The following ATG4B variants were observed in gnomAD, a reference collection of about 807,000 sequenced individuals.
ATG4B encodes the protein autophagy related 4B cysteine peptidase, also known as cysteine protease ATG4B.
In ATG4B, 29 loss-of-function variants were observed where a neutral mutation model predicts 56.6. That is an observed-to-expected ratio of 0.51 (90% CI 0.38 to 0.70). The LOEUF (loss-of-function observed/expected upper bound fraction) is 0.70. Among genes scored for constraint, ATG4B ranks in the 30% least tolerant of loss-of-function variants. The probability of loss-of-function intolerance (pLI) is 0.00; values close to 1 mark genes in which losing one functional copy is unlikely to be tolerated. For synonymous variants in ATG4B, 224 were observed against 206.1 expected (o/e 1.09, Z -0.74); for missense variants, 461 against 515.5 (o/e 0.89, Z 1.02).
In ATG4B at chr2:241,651,490, T is replaced by C. The variant is rs190591601; in HGVS notation, c.184+155T>C. ...GAATTGGCCGAGGCCTCACGTGTAG[T>C]AGTGGCAAAGCTAGAATCCACGGCG... On this transcript the variant is annotated intron_variant, in intron 3 of 12. Coordinates refer to ENST00000404914, the MANE Select transcript of ATG4B (RefSeq NM_013325.5). The surrounding 1 kb of genome is among the most constrained non-coding windows in gnomAD (Gnocchi z 4.1). Among the ~76,000 whole-genome samples the C allele has an allele frequency of 2.4e-4, 37 of 152,350 alleles. No homozygotes were observed. Among genetic ancestry groups the C allele is most frequent in the African/African-American group, 7.7e-4 (32 of 41,586 alleles).
rs147291776 is a variant in ATG4B at position 241,652,506 on chromosome 2, C to T, written c.185-1006C>T. Reference sequence around the variant, plus strand: ...GTGCTGTGTTTCCTTCTTAGCCCCACGGAGATAATTTTTTAAAATTATTAC... The same window carrying T: ...GTGCTGTGTTTCCTTCTTAGCCCCATGGAGATAATTTTTTAAAATTATTAC... On this transcript the variant is annotated intron_variant, in intron 3 of 12. Transcript: ENST00000404914. Among the ~76,000 whole-genome samples, 61 of 152,326 alleles carry T rather than the reference C, an allele frequency of 4.0e-4. 1 individual carries two copies. The highest frequency in any genetic ancestry group is 1.3e-3 in the African/African-American group (54 of 41,570).
intron 1 of ATG4B, among the ~76,000 whole-genome samples, chr2:241,643,663 CGTGTGTGTGTGT>C (rs369340875): frequency 1.5e-5 from 2 of 135,602 alleles, no homozygotes; most frequent in African/African-American, 5.9e-5. Flanking sequence ...TATATATATA[CGTGTGTGTGTGT>C]GTGTGTATGT....
Position 241,651,583 on chromosome 2 carries a change from C to T in ATG4B, c.184+248C>T, listed in dbSNP as rs894075536. On this transcript the variant is annotated intron_variant, in intron 3 of 12. Coordinates refer to ENST00000404914, the MANE Select transcript of ATG4B (RefSeq NM_013325.5). The surrounding 1 kb of genome is among the most constrained non-coding windows in gnomAD (Gnocchi z 4.1). ...TATTACTGGAGCTGGAAATCAGTAT[C>T]ATGAGTTATGACCAACGTTGTTTTA... is the stretch of plus-strand genomic sequence containing the variant. Among the ~76,000 whole-genome samples, 1 of 152,212 alleles carries T rather than the reference C, an allele frequency of 6.6e-6. No homozygotes were observed. Among genetic ancestry groups the T allele is most frequent in the Non-Finnish European group, 1.5e-5 (1 of 68,042 alleles).
In ATG4B at chr2:241,668,816, G is replaced by GA. The variant is rs2068862308; in HGVS notation, c.957+133dup. The GA allele has an allele frequency of 7.5e-7, 1 of 1,341,258 alleles. No individual in the cohort carries two copies. The highest frequency in any genetic ancestry group is 1.4e-5 in the South Asian group (1 of 73,702). The allele number at this position is 1,341,258 out of a possible 1,614,324, so 83.1% of individuals were successfully genotyped here. On this transcript the variant is annotated intron_variant, in intron 10 of 12. Coordinates refer to ENST00000404914, the MANE Select transcript of ATG4B (RefSeq NM_013325.5). This position sits in a 1 kb window ranked among gnomAD's most constrained non-coding sequence, Gnocchi z 4.2. Reference sequence around the variant, plus strand: ...ATAAGTACTGTGTTCACGTGGTTGGGAATCTGAAGGGTATAAGAGCCGGAA... The same window carrying GA: ...ATAAGTACTGTGTTCACGTGGTTGGGAAATCTGAAGGGTATAAGAGCCGGAA...
intron 1 of ATG4B, among the ~76,000 whole-genome samples, chr2:241,649,417 T>C (rs553950190): frequency 1.2e-4 from 18 of 152,056 alleles, no homozygotes; most frequent in African/African-American, 4.4e-4. Context: ...AGTGTGGGGT[T>C]GTTATCAAAA....
intron 1 of ATG4B, 138 bp from the exon 2 acceptor site, chr2:241,650,872 G>A (rs746943090): frequency 2.8e-5 from 20 of 708,144 alleles, no homozygotes; most frequent in East Asian, 1.1e-4. Flanking sequence ...TGGTAGGCCC[G>A]AGATACGAGA....
intron 1 of ATG4B, among the ~76,000 whole-genome samples, chr2:241,648,675 G>T (rs965921733): frequency 1.3e-5 from 2 of 152,006 alleles, no homozygotes; most frequent in Non-Finnish European, 2.9e-5. Context: ...TCTGGCTGCA[G>T]CCGCTCCACA....
intron 7 of ATG4B, among the ~76,000 whole-genome samples, chr2:241,660,894 G>A (rs1156438744): frequency 6.6e-6 from 1 of 152,174 alleles, no homozygotes; most frequent in African/African-American, 2.4e-5. Context: ...CTCAGTCCCT[G>A]GCCTCGGATT....
chr2:241,640,796 G>A (rs538658827), intron 1 of ATG4B, among the ~76,000 whole-genome samples: 297 of 152,298 alleles, frequency 2.0e-3, no homozygotes, highest in Non-Finnish European at 3.2e-3. Context: ...GCGGGTGGCG[G>A]TGGGAGAAGC....
chr2:241,666,516 T>C (rs2068778375), intron 7 of ATG4B, 129 bp from the exon 8 acceptor site: 1 of 982,412 alleles, frequency 1.0e-6, no homozygotes, highest in Non-Finnish European at 1.5e-6. Context: ...TTTCCAAGTT[T>C]GAATTTCACT....
chr2:241,666,628 C>T lies in ATG4B; in HGVS notation c.539-17C>T, dbSNP rs374152053. 1.2e-6 allele frequency: 2 copies of T among 1,612,444 alleles called. No individual in the cohort carries two copies. Among genetic ancestry groups the T allele is most frequent in the Non-Finnish European group, 8.5e-7 (1 of 1,179,400 alleles). On this transcript the variant is annotated splice_polypyrimidine_tract_variant and intron_variant, in intron 7 of 12. Coordinates refer to ENST00000404914, the MANE Select transcript of ATG4B (RefSeq NM_013325.5). ...CACAGGTCTGCTTGGTTAGTGAAAG[C>T]ATGTCTCCCTTTCTAGGAAGGTTGT...
intron 7 of ATG4B, among the ~76,000 whole-genome samples, chr2:241,663,250 A>C (rs2068646646): frequency 6.6e-6 from 1 of 152,202 alleles, no homozygotes; most frequent in Non-Finnish European, 1.5e-5. Flanking sequence ...CAAAACAACA[A>C]AAAATAATAA....
Position 241,666,786 on chromosome 2 carries a change from C to A in ATG4B, c.680C>A (p.Pro227His). Residue 227 changes from proline (P) to histidine (H), a missense_variant, in exon 8 of 13, where the codon CCC (proline) becomes CAC (histidine). Pro to His is a moderately conservative substitution (Grantham distance 77). Coordinates refer to ENST00000404914, the MANE Select transcript of ATG4B (RefSeq NM_013325.5). Reference sequence around the variant, plus strand: ...TGGAGACCCCTGGTACTTCTCATTCCCCTGCGCCTGGGGCTCACGGACATC... The same window carrying A: ...TGGAGACCCCTGGTACTTCTCATTCACCTGCGCCTGGGGCTCACGGACATC... Reference protein sequence around the residue: ...SPWRPLVLLIPLRLGLTDINE... With the variant: ...SPWRPLVLLIHLRLGLTDINE... 6.3e-7 allele frequency: 1 copy of A among 1,587,952 alleles called. No individual in the cohort carries two copies. The highest frequency in any genetic ancestry group is 8.6e-7 in the Non-Finnish European group (1 of 1,167,088).
chr2:241,642,308 A>G (rs551011658), intron 1 of ATG4B, among the ~76,000 whole-genome samples: 41 of 151,954 alleles, frequency 2.7e-4, no homozygotes, highest in Admixed American at 2.1e-3. Context: ...TTTCTGATGT[A>G]GCTAAATTTG....
rs907378907 is a variant in ATG4B, at chr2:241,673,201, C to T, written c.*937C>T. 50 of 266,400 alleles carry T rather than the reference C, an allele frequency of 1.9e-4. No individual in the cohort carries two copies. Among genetic ancestry groups the T allele is most frequent in the Admixed American group, 9.0e-5 (2 of 22,138 alleles). The allele number at this position is 266,400 out of a possible 1,614,324, so 16.5% of individuals were successfully genotyped here. ...GCCAAAAGGGGAAAACCACTTGAGT[C>T]TTGTGGTGTGTGGTGGGCAGACACC... On this transcript the variant is annotated 3_prime_UTR_variant, in exon 13 of 13. Coordinates refer to ENST00000404914, the MANE Select transcript of ATG4B (RefSeq NM_013325.5).
chr2:241,643,918 C>G (rs1362719069), intron 1 of ATG4B, among the ~76,000 whole-genome samples: 1 of 152,082 alleles, frequency 6.6e-6, no homozygotes, highest in Non-Finnish European at 1.5e-5. Context: ...ACATGAATTA[C>G]CTTATAAATC....
At chr2:241,670,917 C>A in intron 11 of ATG4B, 135 bp downstream of exon 11, 1 of 950,092 alleles carries the variant, frequency 1.1e-6, no homozygotes, top group Non-Finnish European at 1.6e-6. Context: ...TCCCGCCTGG[C>A]ACAGCTATGT....
chr2:241,647,331 G>A (rs953103304), intron 1 of ATG4B, among the ~76,000 whole-genome samples: 14 of 152,096 alleles, frequency 9.2e-5, no homozygotes, highest in Non-Finnish European at 1.8e-4. Context: ...AAATTAGACC[G>A]GTGGTGGCCA....
At chr2:241,662,506 C>T (rs575420810) in intron 7 of ATG4B, among the ~76,000 whole-genome samples, 3 of 152,226 alleles carry the variant, frequency 2.0e-5, no homozygotes, top group Admixed American at 6.5e-5. Context: ...GGCAAAAGCC[C>T]GTTGCACCCT....
Sources: gnomAD v4.1 joint callset for allele counts (sites outside exome capture counted in the v4.1 genomes callset) on GRCh38, gnomAD v4.1.1 for gene constraint, Gnocchi (gnomAD v3.1) non-coding constraint, MANE v1.5 for transcripts, NCBI Gene and HGNC (gene_info 2026-07-23, HGNC 2026-07-21) for gene names.